Variants in RANBP17 observed in about 807,000 individuals in gnomAD.
RANBP17 encodes the protein ran-binding protein 17.
A neutral mutation model predicts 141.2 loss-of-function variants in RANBP17; 158 were observed. That is an observed-to-expected ratio of 1.12 (90% CI 0.98 to 1.28). RANBP17 has a LOEUF of 1.28. RANBP17 is among the 50% of genes most tolerant of loss of function. The pLI, the probability that RANBP17 is intolerant of heterozygous loss-of-function variation, is 0.00. For synonymous variants in RANBP17, 430 were observed against 450.0 expected, an observed-to-expected ratio of 0.96 and a Z score of 0.56; for missense variants, 1,438 against 1,290.7, an observed-to-expected ratio of 1.11 and a Z score of -1.75.
intron 14 of RANBP17, among the ~76,000 whole-genome samples, chr5:171,055,897 CAAAA>C (rs1185355403): frequency 1.4e-4 from 6 of 42,318 alleles, no homozygotes; most frequent in Non-Finnish European, 3.1e-4. Flanking sequence ...AAAAAAAAAA[CAAAA>C]AAAAAAACAT....
At position 170,962,387 on chromosome 5, in the gene RANBP17, T is replaced by A. The variant is rs1581249536; in HGVS notation, c.1575-5855T>A. Among the ~76,000 whole-genome samples, 5 of 152,276 alleles carry A rather than the reference T, an allele frequency of 3.3e-5. No individual in the cohort carries two copies. In the South Asian group the frequency reaches 1.0e-3, roughly 32 times the overall value. On this transcript the variant is annotated intron_variant, in intron 13 of 27. Coordinates refer to ENST00000523189, the MANE Select transcript of RANBP17 (RefSeq NM_022897.5). ...CCCCAACAAATTTTTGTTCCACATC[T>A]TCTTTGAATTTGGGAATGTGTGCTA... is the stretch of plus-strand genomic sequence containing the variant.
intron 14 of RANBP17, among the ~76,000 whole-genome samples, chr5:171,037,899 T>A (rs1379512594): frequency 6.6e-6 from 1 of 152,228 alleles, no homozygotes; most frequent in Non-Finnish European, 1.5e-5. Context: ...TTGCTTTGGC[T>A]ATTCAGGCTC....
chr5:171,173,456 A>G (rs546124793), intron 16 of RANBP17, among the ~76,000 whole-genome samples: 2 of 152,168 alleles, frequency 1.3e-5, no homozygotes, highest in East Asian at 1.9e-4. Flanking sequence ...GTTTCTCACT[A>G]TGAAGTTTTT....
intron 25 of RANBP17, among the ~76,000 whole-genome samples, chr5:171,290,995 A>G (rs1768461806): frequency 6.6e-6 from 1 of 152,250 alleles, no homozygotes; most frequent in Non-Finnish European, 1.5e-5. Flanking sequence ...AAAGGCTCAA[A>G]TAAGTGAAAT....
rs147646955 is a variant in RANBP17 at position 171,271,665 on chromosome 5, C to T, written c.2943+5818C>T. The T allele has an allele frequency of 5.4e-3, 1,107 of 206,852 alleles. 12 individuals are homozygous for T. The highest frequency in any genetic ancestry group is 0.017 in the African/African-American group (750 of 43,992). 12.8% of individuals were successfully genotyped at this position (206,852 alleles called of 1,614,324 possible). A position where few individuals can be genotyped will look rare whatever the true frequency, so the allele number is the denominator to read the frequency against. On this transcript the variant is annotated intron_variant, in intron 25 of 27. Transcript: ENST00000523189. ...ATTTACAACTTTATTCTCAATAATACAGTAGTATATTGATATCAAAAACAA... is the reference window on the plus strand; with the variant it reads ...ATTTACAACTTTATTCTCAATAATATAGTAGTATATTGATATCAAAAACAA...
intron 14 of RANBP17, among the ~76,000 whole-genome samples, chr5:170,996,997 A>T (rs955460664): frequency 5.3e-5 from 8 of 152,128 alleles, no homozygotes; most frequent in African/African-American, 1.7e-4. Context: ...TTGAATCATA[A>T]TCGTCATGTG....
rs200553254 is a variant in RANBP17 at position 170,896,051 on chromosome 5, G to A, written c.425G>A (p.Gly142Asp). Residue 142 changes from glycine (G) to aspartate (D), a missense_variant and splice_region_variant, in exon 5 of 28, where the codon GGT becomes GAT. Physicochemically the swap from Gly to Asp is moderately conservative, Grantham distance 94. Transcript: ENST00000523189. ...IIADVKKFLQ[G>D]TVEHCIIGVI... ...TAAACTTTGTTATTTTCTCCAAAGG[G>A]TACTGTGGAACACTGCATAATAGGA... 70 of 1,593,220 alleles carry A rather than the reference G, an allele frequency of 4.4e-5. No individual in the cohort carries two copies. Among genetic ancestry groups the A allele is most frequent in the Non-Finnish European group, 4.8e-5 (56 of 1,168,998 alleles).
chr5:171,022,677 A>G (rs1037128381), intron 14 of RANBP17, among the ~76,000 whole-genome samples: 1 of 152,206 alleles, frequency 6.6e-6, no homozygotes, highest in African/African-American at 2.4e-5. Flanking sequence ...GGAGCTATAC[A>G]GAGGGATGCT....
At chr5:171,039,470 A>T (rs2127632347) in intron 14 of RANBP17, among the ~76,000 whole-genome samples, 1 of 152,030 alleles carries the variant, frequency 6.6e-6, no homozygotes, top group Non-Finnish European at 1.5e-5. Context: ...AGTTCCTAAT[A>T]GATTCTGGAT....
At chr5:170,926,213 G>A (rs765544767) in intron 12 of RANBP17, among the ~76,000 whole-genome samples, 2 of 152,066 alleles carry the variant, frequency 1.3e-5, no homozygotes, top group Admixed American at 6.5e-5. Flanking sequence ...GGAAGCAGCC[G>A]TAGACCATAC....
At chr5:170,873,667 T>C (rs1050879235) in intron 1 of RANBP17, among the ~76,000 whole-genome samples, 1 of 152,224 alleles carries the variant, frequency 6.6e-6, no homozygotes, top group Non-Finnish European at 1.5e-5. Flanking sequence ...GTAGTTTGTA[T>C]TTCTGTGGGG....
intron 14 of RANBP17, among the ~76,000 whole-genome samples, chr5:171,025,765 T>G (rs1303907109): frequency 6.6e-6 from 1 of 151,972 alleles, no homozygotes; most frequent in Non-Finnish European, 1.5e-5. Flanking sequence ...CAGTACATTT[T>G]TTTGTAAAGA....
chr5:170,873,810 T>C (rs1307673674), intron 1 of RANBP17, among the ~76,000 whole-genome samples: 1 of 152,036 alleles, frequency 6.6e-6, no homozygotes, highest in African/African-American at 2.4e-5. Context: ...ATTTATTGAC[T>C]TTTTTTGAAG....
At chr5:170,920,562 A>C (rs1201027872) in intron 11 of RANBP17, among the ~76,000 whole-genome samples, 2 of 150,580 alleles carry the variant, frequency 1.3e-5, no homozygotes, top group Non-Finnish European at 3.0e-5. Flanking sequence ...TTTCTTCACA[A>C]GTCTTTCTGT....
At chr5:170,899,696 A>G (rs1770457706) in intron 5 of RANBP17, among the ~76,000 whole-genome samples, 1 of 152,302 alleles carries the variant, frequency 6.6e-6, no homozygotes, top group Admixed American at 6.5e-5. Context: ...ATGTTCCATC[A>G]ATACCTAGTA....
intron 25 of RANBP17, among the ~76,000 whole-genome samples, chr5:171,272,288 T>C (rs1467632619): frequency 6.6e-6 from 1 of 152,188 alleles, no homozygotes. Context: ...ACCAGACCCC[T>C]GTGACATGTG....
At chr5:171,152,774 ATTGT>A (rs775278758) in intron 14 of RANBP17, among the ~76,000 whole-genome samples, 19 of 152,188 alleles carry the variant, frequency 1.2e-4, no homozygotes, top group Admixed American at 3.9e-4. Context: ...GCACTCATTT[ATTGT>A]TTATTATACA....
intron 1 of RANBP17, among the ~76,000 whole-genome samples, chr5:170,862,873 G>A (rs1422307287): frequency 6.6e-6 from 1 of 152,192 alleles, no homozygotes; most frequent in East Asian, 1.9e-4. Context: ...GAGAATTACA[G>A]TACAAGTGAA....
intron 12 of RANBP17, among the ~76,000 whole-genome samples, chr5:170,925,867 T>C (rs1772876598): frequency 6.6e-6 from 1 of 152,186 alleles, no homozygotes; most frequent in African/African-American, 2.4e-5. Context: ...CTGATGCATA[T>C]AGCTATAGTT....
Sources: allele counts gnomAD v4.1 joint callset (sites outside exome capture counted in the v4.1 genomes callset), GRCh38; gene constraint gnomAD v4.1.1; transcripts MANE v1.5; gene names NCBI Gene and HGNC (gene_info 2026-07-23, HGNC 2026-07-21).